DNAJB6: variants seen among roughly 807,000 people sequenced by gnomAD.
DNAJB6 encodes dnaJ homolog subfamily B member 6.
Under a neutral mutation model 42.7 loss-of-function variants are expected in DNAJB6, and 16 were observed. The ratio of observed to expected loss-of-function variants is 0.37; its 90% CI spans 0.25 to 0.57. The LOEUF is 0.57. DNAJB6 is among the 20% of genes least tolerant of loss of function. DNAJB6 has a pLI of 0.74. For synonymous variants in DNAJB6, 170 were observed against 163.5 expected (o/e 1.04, Z -0.30); for missense variants, 347 against 416.8 (o/e 0.83, Z 1.46).
chr7:157,340,998 G>GCGTGTGCGCGCT (rs1554450085), intron 1 of DNAJB6, among the ~76,000 whole-genome samples: 1 of 134,960 alleles, frequency 7.4e-6, no homozygotes, highest in African/African-American at 3.2e-5. Flanking sequence ...GTGTGTGTGT[G>GCGTGTGCGCGCT]CGCGCGCGCA....
intron 1 of DNAJB6, among the ~76,000 whole-genome samples, chr7:157,346,536 C>G (rs906080651): frequency 1.3e-5 from 2 of 151,874 alleles, no homozygotes; most frequent in African/African-American, 4.8e-5. Flanking sequence ...ATAGTTTTAT[C>G]AGTTTTTTTT....
chr7:157,343,423 G>A (rs1429848838), intron 1 of DNAJB6, among the ~76,000 whole-genome samples: 2 of 152,092 alleles, frequency 1.3e-5, no homozygotes, highest in East Asian at 3.9e-4. Flanking sequence ...CCAAAGTGCT[G>A]GGATTACAGG....
At chr7:157,411,783 G>C (rs527552708) in intron 9 of DNAJB6, 2 of 152,368 alleles carry the variant, frequency 1.3e-5, no homozygotes, top group African/African-American at 4.8e-5. Context: ...AACTGGGCGG[G>C]TCTTCTCCTC....
chr7:157,354,433 C>T (rs892559024), intron 1 of DNAJB6, among the ~76,000 whole-genome samples: 5 of 152,166 alleles, frequency 3.3e-5, no homozygotes, highest in Middle Eastern at 3.4e-3. Flanking sequence ...AGGTGTGAGC[C>T]GCTGTGCCCA....
At chr7:157,342,708 C>G (rs1287440471) in intron 1 of DNAJB6, among the ~76,000 whole-genome samples, 1 of 152,150 alleles carries the variant, frequency 6.6e-6, no homozygotes, top group Non-Finnish European at 1.5e-5. Flanking sequence ...CTTCCTCGAC[C>G]TTCCAAAGTG....
intron 5 of DNAJB6, among the ~76,000 whole-genome samples, chr7:157,377,601 C>A (rs551637629): frequency 6.6e-6 from 1 of 151,958 alleles, no homozygotes; most frequent in Non-Finnish European, 1.5e-5. Flanking sequence ...TCTCCTCCCC[C>A]GGGGTGGGAT....
At chr7:157,389,791 T>C (rs1326333385) in intron 8 of DNAJB6, among the ~76,000 whole-genome samples, 1 of 152,230 alleles carries the variant, frequency 6.6e-6, no homozygotes, top group African/African-American at 2.4e-5. Flanking sequence ...CAGCAGAGTT[T>C]ATGATTGGGC....
At chr7:157,394,588 T>G (rs949394496) in intron 8 of DNAJB6, among the ~76,000 whole-genome samples, 3 of 152,182 alleles carry the variant, frequency 2.0e-5, no homozygotes, top group Admixed American at 6.5e-5. Flanking sequence ...TGGCCTCACT[T>G]TTTCCTCCTC....
At chr7:157,404,122 A>AG (rs1486627825) in intron 8 of DNAJB6, among the ~76,000 whole-genome samples, 2 of 150,904 alleles carry the variant, frequency 1.3e-5, no homozygotes, top group African/African-American at 2.4e-5. Flanking sequence ...ATGCACCACT[A>AG]GGCCTGGCTA....
chr7:157,407,221 G>A lies in DNAJB6; in HGVS notation c.692-2574G>A, dbSNP rs758527915. Among the ~76,000 whole-genome samples the A allele has an allele frequency of 1.6e-4, 24 of 152,316 alleles. No individual in the cohort carries two copies. In the South Asian group the frequency reaches 2.7e-3, roughly 17 times the overall value. On this transcript the variant is annotated intron_variant, in intron 8 of 9. Coordinates refer to ENST00000262177, the MANE Select transcript of DNAJB6 (RefSeq NM_058246.4). ...GTTACCCTGCCCCCATTTTCCCTCC[G>A]CGTGGAGTGGGGCGAGTGAGCGGCT...
chr7:157,343,369 G>A (rs897962742), intron 1 of DNAJB6, among the ~76,000 whole-genome samples: 5 of 151,998 alleles, frequency 3.3e-5, no homozygotes, highest in Admixed American at 6.6e-5. Flanking sequence ...CATGTTGGCC[G>A]GGCTGGTCTT....
At chr7:157,362,057 C>T (rs758862784) in intron 2 of DNAJB6, among the ~76,000 whole-genome samples, 32 of 152,214 alleles carry the variant, frequency 2.1e-4, no homozygotes, top group Non-Finnish European at 3.8e-4. Flanking sequence ...TGAGCCGCTG[C>T]ACCCGGCCTT....
chr7:157,381,861 C>T (rs1247888359), intron 5 of DNAJB6: 1 of 159,298 alleles, frequency 6.3e-6, no homozygotes. Flanking sequence ...AGGAATACAA[C>T]AGCTGCCGTG....
At chr7:157,341,727 T>C (rs1292045633) in intron 1 of DNAJB6, among the ~76,000 whole-genome samples, 1 of 152,170 alleles carries the variant, frequency 6.6e-6, no homozygotes, top group East Asian at 1.9e-4. Flanking sequence ...GGACACAGAG[T>C]GCTTAGAAAG....
rs886043951 is a variant in DNAJB6 at position 157,409,994 on chromosome 7, C to T, written c.891C>T (p.Ser297=). Residue 297 remains serine, a synonymous_variant, in exon 9 of 10, where the codon TCC becomes TCT. Transcript: ENST00000262177. ...RAPGPWDPLA[S]AAGLKEGGKR... The stretch of plus-strand genomic sequence containing the variant: ...CCGGGCCCTGGGACCCCCTCGCGTC[C>T]GCAGCAGGTGTGCAAAGGGAGGCAG... 2 of 1,530,162 alleles carry T rather than the reference C, an allele frequency of 1.3e-6. No individual in the cohort carries two copies. Among genetic ancestry groups the T allele is most frequent in the African/African-American group, 1.4e-5 (1 of 72,782 alleles). 94.8% of individuals were successfully genotyped at this position (1,530,162 alleles called of 1,614,324 possible). A position where few individuals can be genotyped will look rare whatever the true frequency, so the allele number is the denominator to read the frequency against.
intron 1 of DNAJB6, among the ~76,000 whole-genome samples, chr7:157,348,092 G>A (rs1385001054): frequency 1.4e-5 from 2 of 141,424 alleles, no homozygotes; most frequent in African/African-American, 5.3e-5. Context: ...CACCATGCCT[G>A]GCCTTATTTT....
Position 157,364,674 on chromosome 7 carries a change from A to G in DNAJB6, c.175+1404A>G, listed in dbSNP as rs548010517. ...GTGCTAATTCAGTATTGCCAGATTC[A>G]GGATTTTAGGGACTAGTAACATTAG... On this transcript the variant is annotated intron_variant, in intron 3 of 9. Coordinates refer to ENST00000262177, the MANE Select transcript of DNAJB6 (RefSeq NM_058246.4). 8.9e-4 allele frequency among the ~76,000 whole-genome samples: 136 copies of G among 152,290 alleles called. 1 individual carries two copies. Among genetic ancestry groups the G allele is most frequent in the South Asian group, 3.7e-3 (18 of 4,824 alleles).
rs140645388 is a variant in DNAJB6 at position 157,372,525 on chromosome 7, A to G, written c.346+5042A>G. Among the ~76,000 whole-genome samples, 509 of 152,326 alleles carry G rather than the reference A, an allele frequency of 3.3e-3. 4 individuals carry two copies. The highest frequency in any genetic ancestry group is 0.012 in the African/African-American group (485 of 41,576). On this transcript the variant is annotated intron_variant, in intron 5 of 9. Coordinates refer to ENST00000262177, the MANE Select transcript of DNAJB6 (RefSeq NM_058246.4). The stretch of plus-strand genomic sequence containing the variant: ...TGCCCGAGTGGGACTGACTTAAAAC[A>G]GTGTATCTAGAATAAAATGGTTTCC...
chr7:157,398,044 CCTGCTCTGCCCTGTGTTTG>C (rs1801680915), intron 8 of DNAJB6, among the ~76,000 whole-genome samples: 1 of 152,232 alleles, frequency 6.6e-6, no homozygotes, highest in Non-Finnish European at 1.5e-5. Context: ...AGCCTTCGTA[CCTGCTCTGCCCTGTGTTTG>C]AAGCCGGGTT....
Sources: gnomAD v4.1 joint callset for allele counts (sites outside exome capture counted in the v4.1 genomes callset) on GRCh38, gnomAD v4.1.1 for gene constraint, MANE v1.5 for transcripts, NCBI Gene and HGNC (gene_info 2026-07-23, HGNC 2026-07-21) for gene names.